Variants in POLK observed in about 807,000 individuals in gnomAD.
POLK encodes DNA polymerase kappa.
Under a neutral mutation model 94.0 loss-of-function variants are expected in POLK, and 76 were observed. The ratio of observed to expected loss-of-function variants is 0.81; its 90% CI spans 0.67 to 0.98. The LOEUF is 0.98. Among genes scored for constraint, POLK ranks in the 50% least tolerant of loss-of-function variants. The pLI is 0.00. For synonymous variants in POLK, 349 were observed against 325.4 expected, an observed-to-expected ratio of 1.07 and a Z score of -0.78; for missense variants, 954 against 1,010.1, an observed-to-expected ratio of 0.94 and a Z score of 0.75.
chr5:75,596,968 T>C, exon 13 of POLK: 1 of 1,613,812 alleles, frequency 6.2e-7, no homozygotes. Context: ...TGTTGGATCA[T>C]TTAGACAAGA....
chr5:75,533,885 G>GC (rs1489184622), intron 1 of POLK, among the ~76,000 whole-genome samples: 1 of 152,186 alleles, frequency 6.6e-6, no homozygotes, highest in Admixed American at 6.5e-5. Flanking sequence ...TTGGCTGTCA[G>GC]CTTGGAGGTT....
At chr5:75,598,582 T>C (rs921941640) in exon 15 of POLK, 1 of 152,622 alleles carries the variant, frequency 6.6e-6, no homozygotes, top group Admixed American at 6.5e-5. Context: ...TGGCTTTTCT[T>C]ATTTAAAATT....
intron 1 of POLK, among the ~76,000 whole-genome samples, chr5:75,519,956 CT>C (rs1344616024): frequency 3.3e-5 from 5 of 151,996 alleles, no homozygotes; most frequent in Non-Finnish European, 5.9e-5. Context: ...CTCTCTTTTC[CT>C]TTCTGTGTTC....
chr5:75,573,081 C>T (rs958004968), intron 4 of POLK, among the ~76,000 whole-genome samples: 1 of 152,086 alleles, frequency 6.6e-6, no homozygotes, highest in Non-Finnish European at 1.5e-5. Flanking sequence ...TATTGCGGCA[C>T]TATTCACAAT....
Position 75,576,770 on chromosome 5 carries a change from TCC to T in POLK, c.541-9_541-8del. The T allele has an allele frequency of 6.9e-7, 1 of 1,448,020 alleles. No individual in the cohort carries two copies. The allele number at this position is 1,448,020 out of a possible 1,614,324, so 89.7% of individuals were successfully genotyped here. ...AGCAAAATTTAAACTTTTTTTTGTT[TCC>T]TTTGAAGGTTAAGGAAATACTTGCT... On this transcript the variant is annotated splice_region_variant and splice_polypyrimidine_tract_variant and intron_variant, in intron 5 of 14. Coordinates refer to ENST00000241436, the Ensembl canonical transcript of POLK.
At chr5:75,538,681 A>G (rs1769580989) in intron 1 of POLK, 1 of 152,116 alleles carries the variant, frequency 6.6e-6, no homozygotes, top group Non-Finnish European at 1.5e-5. Flanking sequence ...GAGAATAATT[A>G]TTTTTACTAA....
At chr5:75,563,258 G>A (rs1399812435) in intron 3 of POLK, among the ~76,000 whole-genome samples, 2 of 152,060 alleles carry the variant, frequency 1.3e-5, no homozygotes, top group African/African-American at 4.8e-5. Flanking sequence ...CACTGTATCT[G>A]GCTGTGAATC....
chr5:75,589,536 C>T (rs978066180), intron 10 of POLK, among the ~76,000 whole-genome samples: 8 of 151,874 alleles, frequency 5.3e-5, no homozygotes, highest in Admixed American at 3.3e-4. Flanking sequence ...CTGCAAGCTC[C>T]GCCTCCTGGG....
intron 11 of POLK, 43 bp from the exon 12 acceptor site, chr5:75,593,835 C>G: frequency 8.3e-7 from 1 of 1,207,888 alleles, no homozygotes; most frequent in Non-Finnish European, 1.2e-6. Flanking sequence ...AGAGAGAGAC[C>G]CTGTCTCATA....
At chr5:75,583,845 A>G (rs1772324703) in intron 8 of POLK, among the ~76,000 whole-genome samples, 1 of 152,136 alleles carries the variant, frequency 6.6e-6, no homozygotes, top group African/African-American at 2.4e-5. Flanking sequence ...AAATGGTAAA[A>G]TTATCCCTCA....
intron 1 of POLK, among the ~76,000 whole-genome samples, chr5:75,543,010 C>CTTTAT (rs1769831838): frequency 7.7e-6 from 1 of 130,384 alleles, no homozygotes; most frequent in Admixed American, 7.8e-5. Context: ...CGCGCCCAGC[C>CTTTAT]TTATTTATTT....
At chr5:75,592,882 C>T (rs1028648898) in intron 11 of POLK, among the ~76,000 whole-genome samples, 1 of 151,866 alleles carries the variant, frequency 6.6e-6, no homozygotes, top group African/African-American at 2.4e-5. Context: ...AGCAAAATCA[C>T]GTCTCTACAA....
chr5:75,519,219 T>C (rs1768458116), intron 1 of POLK, among the ~76,000 whole-genome samples: 1 of 152,230 alleles, frequency 6.6e-6, no homozygotes, highest in Admixed American at 6.5e-5. Flanking sequence ...TGTTAATGAT[T>C]TCAAGTTTTA....
At chr5:75,514,701 T>C (rs1448354123) in intron 1 of POLK, among the ~76,000 whole-genome samples, 2 of 152,178 alleles carry the variant, frequency 1.3e-5, no homozygotes, top group Non-Finnish European at 2.9e-5. Context: ...GAATTGATTT[T>C]AGATTTTAGA....
intron 1 of POLK, among the ~76,000 whole-genome samples, chr5:75,517,828 C>T (rs1254536528): frequency 1.3e-5 from 2 of 152,106 alleles, no homozygotes; most frequent in African/African-American, 4.8e-5. Flanking sequence ...ATCCAGTTTG[C>T]TGAGGGTTTT....
chr5:75,581,311 C>T, exon 7 of POLK: 1 of 1,613,900 alleles, frequency 6.2e-7, no homozygotes. Flanking sequence ...CCAGGAGATC[C>T]TTTCCAAGTG....
chr5:75,515,206 A>G (rs920428170), intron 1 of POLK, among the ~76,000 whole-genome samples: 1 of 152,244 alleles, frequency 6.6e-6, no homozygotes, highest in Non-Finnish European at 1.5e-5. Flanking sequence ...ATTATCAGGA[A>G]AAATAGTCAT....
chr5:75,548,657 A>G (rs893924103), intron 2 of POLK, among the ~76,000 whole-genome samples: 5 of 151,972 alleles, frequency 3.3e-5, no homozygotes, highest in African/African-American at 9.7e-5. Context: ...TTCTTAGGAA[A>G]TGCGTGGTGA....
At chr5:75,562,206 C>A (rs28782182) in intron 3 of POLK, among the ~76,000 whole-genome samples, 1,823 of 152,242 alleles carry the variant, frequency 0.012, 16 homozygotes, top group South Asian at 0.047. Flanking sequence ...TGTAGCTCTC[C>A]TTGAAGAGGT....
Sources: allele counts gnomAD v4.1 joint callset (sites outside exome capture counted in the v4.1 genomes callset), GRCh38; gene constraint gnomAD v4.1.1; transcripts MANE v1.5; gene names NCBI Gene and HGNC (gene_info 2026-07-23, HGNC 2026-07-21).